PLEKHS1: variants seen among roughly 807,000 people sequenced by gnomAD.
The protein encoded by PLEKHS1 is pleckstrin homology domain containing S1, also known as pleckstrin homology domain-containing family S member 1.
In PLEKHS1, 55 loss-of-function variants were observed where a neutral mutation model predicts 51.0. That is an observed-to-expected ratio of 1.08 (90% CI 0.87 to 1.35). PLEKHS1 has a LOEUF of 1.35. Ranked by LOEUF, PLEKHS1 falls within the 40% of genes most tolerant of loss-of-function variation. PLEKHS1 has a pLI of 0.00. For synonymous variants in PLEKHS1, 153 were observed against 144.8 expected (o/e 1.06, Z -0.41); for missense variants, 398 against 423.0 (o/e 0.94, Z 0.52).
exon 9 of PLEKHS1, chr10:113,774,256 T>C (rs1253176582): frequency 1.9e-6 from 3 of 1,601,786 alleles, no homozygotes; most frequent in Non-Finnish European, 2.6e-6. Context: ...CCAGTGATTC[T>C]GGTGAATCCA....
chr10:113,782,466 A>G (rs1844891109), downstream of PLEKHS1: 1 of 152,208 alleles, frequency 6.6e-6, no homozygotes, highest in Middle Eastern at 3.2e-3. Flanking sequence ...AACAAATCCC[A>G]TGTCGAGCTG....
In PLEKHS1 at chr10:113,775,870, G is replaced by A; in HGVS notation, c.1091+4G>A. 1.9e-6 allele frequency: 3 copies of A among 1,594,836 alleles called. No individual in the cohort carries two copies. Among genetic ancestry groups the A allele is most frequent in the African/African-American group, 1.3e-5 (1 of 74,526 alleles). On this transcript the variant is annotated splice_donor_region_variant and intron_variant, in intron 11 of 11. Coordinates refer to ENST00000361048, the Ensembl canonical transcript of PLEKHS1. ...CAGAAGCCACAGGACGGATATGGTA[G>A]GTTGGAGATTTGACTGTTGTGGATT...
intron 11 of PLEKHS1, 45 bp downstream of exon 12, chr10:113,777,304 A>T: frequency 6.2e-7 from 1 of 1,609,388 alleles, no homozygotes; most frequent in Non-Finnish European, 8.5e-7. Context: ...TCAGTACCAG[A>T]AGGAAAAAGA....
At position 113,777,997 on chromosome 10, in the gene PLEKHS1, AAAC is replaced by A. The variant is rs144623052; in HGVS notation, c.1091+2139_1091+2141del. The A allele has an allele frequency of 9.6e-3, 2,979 of 311,420 alleles. 85 individuals are homozygous for A. The highest frequency in any genetic ancestry group is 0.06 in the African/African-American group (2,819 of 46,816). The allele number at this position is 311,420 out of a possible 1,614,324, so 19.3% of individuals were successfully genotyped here. ...AGAGCGAGACCCTGTCTCAAAAGAA[AAAC>A]AACAACAGACCACCCCTAATATTAT... is the stretch of plus-strand genomic sequence containing the variant. On this transcript the variant is annotated intron_variant, in intron 11 of 11. Coordinates refer to ENST00000361048, the Ensembl canonical transcript of PLEKHS1.
chr10:113,773,448 G>A (rs867673952), intron 8 of PLEKHS1, among the ~76,000 whole-genome samples: 17 of 138,254 alleles, frequency 1.2e-4, no homozygotes, highest in East Asian at 2.2e-4. Flanking sequence ...AAATAAATAA[G>A]TAAAAAAACT....
chr10:113,763,499 T>C (rs933304876), intron 2 of PLEKHS1, among the ~76,000 whole-genome samples: 1 of 152,216 alleles, frequency 6.6e-6, no homozygotes, highest in Non-Finnish European at 1.5e-5. Flanking sequence ...CTGTTTGTCC[T>C]ATTTGTTGTT....
chr10:113,763,426 A>G (rs1844029292), intron 2 of PLEKHS1, among the ~76,000 whole-genome samples: 1 of 152,116 alleles, frequency 6.6e-6, no homozygotes, highest in Admixed American at 6.5e-5. Context: ...TGTTTAGACC[A>G]TTTACGTTTA....
intron 1 of PLEKHS1, 58 bp from the exon 2 acceptor site, chr10:113,755,184 CTGACCAGCGGTGGCTGG>C: frequency 6.8e-7 from 1 of 1,463,238 alleles, no homozygotes; most frequent in South Asian, 1.4e-5. Context: ...CTGATACTCA[CTGACCAGCGGTGGCTGG>C]TCAATGAAAC....
At chr10:113,776,925 G>T (rs982692896) in intron 11 of PLEKHS1, among the ~76,000 whole-genome samples, 199 bp from the exon 12 acceptor site, 2 of 152,170 alleles carry the variant, frequency 1.3e-5, no homozygotes, top group African/African-American at 4.8e-5. Context: ...CCTTTGTAAG[G>T]GTGGTATAAT....
rs762077450 is a variant in PLEKHS1 at position 113,755,238 on chromosome 10, A to G, written c.-19-21A>G. Reference sequence around the variant, plus strand: ...CACGTAGTGTTGTTTGGGGACTAACACTAACCCTTCCTTTTGACAGGGGAG... The same window carrying G: ...CACGTAGTGTTGTTTGGGGACTAACGCTAACCCTTCCTTTTGACAGGGGAG... On this transcript the variant is annotated intron_variant, in intron 1 of 11. Coordinates refer to ENST00000361048, the Ensembl canonical transcript of PLEKHS1. 3.7e-6 allele frequency: 6 copies of G among 1,600,472 alleles called. No individual in the cohort carries two copies. The South Asian group carries it at 5.7e-5, about 15-fold the overall frequency.
intron 2 of PLEKHS1, chr10:113,765,215 T>C: frequency 2.0e-6 from 1 of 497,856 alleles, no homozygotes; most frequent in Non-Finnish European, 3.7e-6. Flanking sequence ...CAGTTAAATT[T>C]TTTGGGAACA....
chr10:113,777,774 A>G (rs1844741877), intron 11 of PLEKHS1: 2 of 1,449,102 alleles, frequency 1.4e-6, no homozygotes. Flanking sequence ...CCTCAGTTTC[A>G]TTATCTCAGA....
intron 11 of PLEKHS1, 88 bp from the exon 12 acceptor site, chr10:113,777,036 G>A (rs553513066): frequency 2.7e-5 from 40 of 1,487,296 alleles, no homozygotes; most frequent in Middle Eastern, 2.4e-4. Flanking sequence ...GTGGTGCCAC[G>A]TGACCTAGAA....
chr10:113,766,332 A>G (rs1844157378), intron 2 of PLEKHS1, 79 bp from the exon 3 acceptor site: 2 of 858,670 alleles, frequency 2.3e-6, no homozygotes, highest in Non-Finnish European at 3.8e-6. Context: ...CTTTCCAGAG[A>G]TAAACAGTGT....
At chr10:113,760,384 T>C (rs1239515487) in intron 2 of PLEKHS1, among the ~76,000 whole-genome samples, 1 of 152,194 alleles carries the variant, frequency 6.6e-6, no homozygotes, top group Non-Finnish European at 1.5e-5. Context: ...CCAGGTGTGG[T>C]GGCTCACGCC....
intron 2 of PLEKHS1, chr10:113,765,388 G>C (rs777973303): frequency 1.3e-6 from 1 of 779,318 alleles, no homozygotes; most frequent in Non-Finnish European, 2.4e-6. Context: ...AGTATGGCTG[G>C]AGGTAACAAG....
Position 113,768,717 on chromosome 10 carries a change from C to T in PLEKHS1, c.360-98C>T, listed in dbSNP as rs1291272628. On this transcript the variant is annotated intron_variant, in intron 5 of 11. Coordinates refer to ENST00000361048, the Ensembl canonical transcript of PLEKHS1. Reference sequence around the variant, plus strand: ...AAAATTCTTATTTCGCTGGTACCTGCTCTCACCACCATTCTAACATTCATA... The same window carrying T: ...AAAATTCTTATTTCGCTGGTACCTGTTCTCACCACCATTCTAACATTCATA... The T allele has an allele frequency of 8.5e-6, 8 of 946,694 alleles. No individual in the cohort carries two copies. The African/African-American group carries it at 1.0e-4, about 12-fold the overall frequency. The allele number at this position is 946,694 out of a possible 1,614,324, so 58.6% of individuals were successfully genotyped here.
At chr10:113,777,135 G>A (rs1844706287) in intron 11 of PLEKHS1, 3 of 1,612,610 alleles carry the variant, frequency 1.9e-6, no homozygotes, top group East Asian at 4.5e-5. Flanking sequence ...GTGTCTCAGT[G>A]GGAAGGCCCC....
chr10:113,777,220 G>T (rs978779909), intron 11 of PLEKHS1: 2 of 1,612,742 alleles, frequency 1.2e-6, no homozygotes, highest in African/African-American at 2.7e-5. Context: ...AGAGCCTGGA[G>T]GAGGTCTCCC....
Sources: allele counts gnomAD v4.1 joint callset (sites outside exome capture counted in the v4.1 genomes callset), GRCh38; gene constraint gnomAD v4.1.1; transcripts MANE v1.5; gene names NCBI Gene and HGNC (gene_info 2026-07-23, HGNC 2026-07-21).